Variants in CPLX4 observed in about 807,000 individuals in gnomAD.
The protein encoded by CPLX4 is complexin-4.
A neutral mutation model predicts 16.1 loss-of-function variants in CPLX4; 17 were observed. The observed-to-expected ratio is 1.06, with a 90% confidence interval of 0.72 to 1.59. CPLX4 has a LOEUF of 1.59. Ranked by LOEUF, CPLX4 falls within the 40% of genes most tolerant of loss-of-function variation. CPLX4 has a pLI of 0.00. For missense variants in CPLX4, 193 were observed against 192.9 expected, an observed-to-expected ratio of 1.00 and a Z score of 0.00; for synonymous variants, 55 against 57.8, an observed-to-expected ratio of 0.95 and a Z score of 0.22.
chr18:59,314,885 T>C (rs1246151444), intron 1 of CPLX4, among the ~76,000 whole-genome samples: 1 of 152,212 alleles, frequency 6.6e-6, no homozygotes, highest in Non-Finnish European at 1.5e-5. Flanking sequence ...TTTGCGCAAA[T>C]ACAATCACCA....
Position 59,312,755 on chromosome 18 carries a change from G to T in CPLX4, c.185C>A (p.Ala62Glu). 4 of 1,397,926 alleles carry T rather than the reference G, an allele frequency of 2.9e-6. No homozygotes were observed. The highest frequency in any genetic ancestry group is 1.2e-5 in the South Asian group (1 of 86,402). The allele number at this position is 1,397,926 out of a possible 1,614,324, so 86.6% of individuals were successfully genotyped here. Residue 62 changes from alanine to glutamate, a missense_variant, in exon 2 of 3, where the codon GCA becomes GAA. Ala to Glu is a moderately radical substitution (Grantham distance 107, BLOSUM62 -1). Transcript: ENST00000299721. ...MIEEKMERDA[A>E]FTQKKAERAC... is the part of the protein sequence containing the mutation. ...CCTTTCTGCCTTTTTCTGTGTAAAT[G>T]CAGCATCTCTTTCCATCCTAAAAGT...
In CPLX4 at chr18:59,318,321, A is replaced by G. The variant is rs766829811; in HGVS notation, c.142T>C (p.Tyr48His). 24 of 1,607,660 alleles carry G rather than the reference A, an allele frequency of 1.5e-5. No homozygotes were observed. Among genetic ancestry groups the G allele is most frequent in the Non-Finnish European group, 2.0e-5 (24 of 1,177,928 alleles). ...QGMTREEYEE[Y>H]QKQMIEEKME... ...TTCTCCTCAATCATTTGCTTTTGAT[A>G]CTCCTCATACTCCTCTCTAGTCATC... Residue 48 changes from tyrosine to histidine, a missense_variant, in exon 1 of 3, where the codon TAT becomes CAT. By Grantham distance (83) the Tyr-to-His change is moderately conservative (BLOSUM62 2). Coordinates refer to ENST00000299721, the MANE Select transcript of CPLX4 (RefSeq NM_181654.4).
At chr18:59,315,271 C>A (rs1434545173) in intron 1 of CPLX4, among the ~76,000 whole-genome samples, 1 of 152,136 alleles carries the variant, frequency 6.6e-6, no homozygotes, top group Non-Finnish European at 1.5e-5. Context: ...TCCAAGACAG[C>A]TAATGATATT....
intron 2 of CPLX4, among the ~76,000 whole-genome samples, chr18:59,302,119 G>T (rs926376521): frequency 6.6e-6 from 1 of 152,154 alleles, no homozygotes; most frequent in Non-Finnish European, 1.5e-5. Context: ...GCATAAATGG[G>T]ATTTATACAG....
intron 2 of CPLX4, among the ~76,000 whole-genome samples, chr18:59,310,039 G>C (rs2070606452): frequency 6.6e-6 from 1 of 152,012 alleles, no homozygotes; most frequent in Non-Finnish European, 1.5e-5. Flanking sequence ...AAATGACGCA[G>C]TGGTATGAGA....
intron 2 of CPLX4, among the ~76,000 whole-genome samples, chr18:59,297,491 G>T (rs1000536209): frequency 5.9e-5 from 9 of 151,986 alleles, no homozygotes; most frequent in Admixed American, 5.9e-4. Context: ...TGTTGGCCAG[G>T]CTGGTCTCGA....
At chr18:59,307,753 A>AT (rs527371314) in intron 2 of CPLX4, among the ~76,000 whole-genome samples, 2,139 of 130,938 alleles carry the variant, frequency 0.016, 33 homozygotes, top group South Asian at 0.021. Context: ...TGTTTTTCTG[A>AT]TTTTTTTTTT....
chr18:59,304,431 A>G (rs1179088761), intron 2 of CPLX4, among the ~76,000 whole-genome samples: 2 of 152,232 alleles, frequency 1.3e-5, no homozygotes, highest in Non-Finnish European at 2.9e-5. Flanking sequence ...TTTTAATTAT[A>G]AAACAAGGAA....
chr18:59,296,596 AACTGTGTTC>A lies in CPLX4; in HGVS notation c.*93_*101del. On this transcript the variant is annotated 3_prime_UTR_variant, in exon 3 of 3. Coordinates refer to ENST00000299721, the MANE Select transcript of CPLX4 (RefSeq NM_181654.4). ...GTCAATGGATCATCGTGGTTTTCCTAACTGTGTTCACTACATTAAAACATGTACTGCTTG... is the reference window on the plus strand; with the variant it reads ...GTCAATGGATCATCGTGGTTTTCCTAACTACATTAAAACATGTACTGCTTG... The A allele has an allele frequency of 7.8e-7, 1 of 1,284,454 alleles. No individual in the cohort carries two copies. Among genetic ancestry groups the A allele is most frequent in the Non-Finnish European group, 1.1e-6 (1 of 921,060 alleles). 79.6% of individuals were successfully genotyped at this position (1,284,454 alleles called of 1,614,324 possible).
At chr18:59,297,851 G>A (rs1200125920) in intron 2 of CPLX4, among the ~76,000 whole-genome samples, 1 of 152,170 alleles carries the variant, frequency 6.6e-6, no homozygotes, top group East Asian at 1.9e-4. Flanking sequence ...TAGACAGGGA[G>A]CCCGTCATGG....
rs1478607652 is a variant in CPLX4, at chr18:59,312,716, A to G, written c.224T>C (p.Val75Ala). 1 of 1,444,828 alleles carries G rather than the reference A, an allele frequency of 6.9e-7. No homozygotes were observed. Among genetic ancestry groups the G allele is most frequent in the Non-Finnish European group, 9.7e-7 (1 of 1,025,814 alleles). 89.5% of individuals were successfully genotyped at this position (1,444,828 alleles called of 1,614,324 possible). Residue 75 changes from valine to alanine, a missense_variant, in exon 2 of 3, where the codon GTT becomes GCT. Physicochemically the swap from Val to Ala is moderately conservative, Grantham distance 64. Coordinates refer to ENST00000299721, the MANE Select transcript of CPLX4 (RefSeq NM_181654.4). Reference protein sequence around the residue: ...QKKAERACLRVHLREKYRLPK... With the variant: ...QKKAERACLRAHLREKYRLPK... Reference sequence around the variant, plus strand: ...GAGCCTGTATTTTTCTCTGAGATGAACTCTGAGGCATGCCCTTTCTGCCTT... The same window carrying G: ...GAGCCTGTATTTTTCTCTGAGATGAGCTCTGAGGCATGCCCTTTCTGCCTT...
intron 2 of CPLX4, among the ~76,000 whole-genome samples, chr18:59,299,647 A>C (rs190037483): frequency 1.9e-3 from 294 of 152,244 alleles, no homozygotes; most frequent in Non-Finnish European, 3.3e-3. Flanking sequence ...GGTGACTCTG[A>C]GGTTCGTTTT....
chr18:59,310,947 CGTGTGTGTGTGTGTGTGTGTGTGTGTGT>C (rs56041362), intron 2 of CPLX4, among the ~76,000 whole-genome samples: 1 of 143,540 alleles, frequency 7.0e-6, no homozygotes, highest in Non-Finnish European at 1.5e-5. Flanking sequence ...CCCAGCCAAT[CGTGTGTGTGTGTGTGTGTGTGTGTGTGT>C]GTGTGTGTGT....
chr18:59,306,676 T>A (rs2070578570), intron 2 of CPLX4, among the ~76,000 whole-genome samples: 1 of 152,224 alleles, frequency 6.6e-6, no homozygotes, highest in Admixed American at 6.5e-5. Flanking sequence ...GAAAATACAG[T>A]TCTAATTCCA....
At chr18:59,312,367 T>G (rs1407961910) in intron 2 of CPLX4, among the ~76,000 whole-genome samples, 1 of 151,360 alleles carries the variant, frequency 6.6e-6, no homozygotes, top group Non-Finnish European at 1.5e-5. Flanking sequence ...TTTCACTATA[T>G]CAAACATTTC....
At chr18:59,315,435 T>C (rs1407892302) in intron 1 of CPLX4, among the ~76,000 whole-genome samples, 4 of 152,188 alleles carry the variant, frequency 2.6e-5, no homozygotes, top group Admixed American at 1.3e-4. Context: ...TTCCAGTCCT[T>C]TGTCAGATAT....
chr18:59,297,332 A>G (rs1197953697), intron 2 of CPLX4, among the ~76,000 whole-genome samples: 4 of 151,006 alleles, frequency 2.6e-5, no homozygotes, highest in Non-Finnish European at 5.9e-5. Flanking sequence ...GCTGAAGTGC[A>G]GTATCTCGAT....
At chr18:59,314,471 G>A (rs991686076) in intron 1 of CPLX4, among the ~76,000 whole-genome samples, 11 of 151,948 alleles carry the variant, frequency 7.2e-5, no homozygotes, top group Non-Finnish European at 1.0e-4. Flanking sequence ...ATTAACTAGC[G>A]TGACATGTTT....
chr18:59,310,435 G>A (rs550874515), intron 2 of CPLX4, among the ~76,000 whole-genome samples: 1 of 152,160 alleles, frequency 6.6e-6, no homozygotes, highest in Admixed American at 6.5e-5. Flanking sequence ...TTACTGCTAA[G>A]CCTAAGGGTG....
Sources: gnomAD v4.1 joint callset for allele counts (sites outside exome capture counted in the v4.1 genomes callset) on GRCh38, gnomAD v4.1.1 for gene constraint, MANE v1.5 for transcripts, NCBI Gene and HGNC (gene_info 2026-07-23, HGNC 2026-07-21) for gene names.